The following LCOR variants were observed in gnomAD, a reference collection of about 807,000 sequenced individuals.
The protein encoded by LCOR is ligand dependent nuclear receptor corepressor.
LCOR carries 14 observed loss-of-function variants against 64.4 expected under a neutral mutation model. The ratio of observed to expected loss-of-function variants is 0.22; its 90% CI spans 0.14 to 0.34. The LOEUF is 0.34. Among genes scored for constraint, LCOR ranks in the 10% least tolerant of loss-of-function variants. The probability of loss-of-function intolerance (pLI) is 1.00; values close to 1 mark genes in which losing one functional copy is unlikely to be tolerated. For synonymous variants in LCOR, 643 were observed against 642.5 expected, an observed-to-expected ratio of 1.00 and a Z score of -0.01; for missense variants, 1,686 against 1,765.3, an observed-to-expected ratio of 0.96 and a Z score of 0.80.
At chr10:96,870,041 G>GTTTGTTGTT (rs2134404274) in intron 2 of LCOR, among the ~76,000 whole-genome samples, 1 of 151,590 alleles carries the variant, frequency 6.6e-6, no homozygotes, top group Non-Finnish European at 1.5e-5. Context: ...TAAGTTCTTT[G>GTTTGTTGTT]TTTGTTGTTG....
chr10:96,836,878 G>T (rs1564596763), intron 2 of LCOR, among the ~76,000 whole-genome samples: 1 of 152,206 alleles, frequency 6.6e-6, no homozygotes, highest in Non-Finnish European at 1.5e-5. Flanking sequence ...AGAAAGTGGA[G>T]ACTTTTTGTT....
intron 2 of LCOR, among the ~76,000 whole-genome samples, chr10:96,873,571 C>CGTCTGTGT (rs1554833529): frequency 1.6e-5 from 2 of 126,340 alleles, no homozygotes; most frequent in African/African-American, 2.8e-5. Flanking sequence ...CACACACACA[C>CGTCTGTGT]GTGTGTGTGT....
intron 2 of LCOR, among the ~76,000 whole-genome samples, chr10:96,861,473 G>GT (rs1564606444): frequency 2.0e-5 from 3 of 152,110 alleles, no homozygotes; most frequent in African/African-American, 7.2e-5. Context: ...CCAAACGTGG[G>GT]TTTTTTCCCC....
chr10:96,851,564 G>A (rs1845722039), intron 2 of LCOR, among the ~76,000 whole-genome samples: 2 of 152,176 alleles, frequency 1.3e-5, no homozygotes, highest in Admixed American at 1.3e-4. Flanking sequence ...AGAACATGGT[G>A]AAATCATGTC....
At chr10:96,887,480 G>T (rs908735399) in intron 2 of LCOR, among the ~76,000 whole-genome samples, 1 of 151,408 alleles carries the variant, frequency 6.6e-6, no homozygotes, top group Non-Finnish European at 1.5e-5. Flanking sequence ...GGAGAATGGC[G>T]TGAACCTGGG....
At chr10:96,848,407 C>T (rs1414371388) in intron 2 of LCOR, among the ~76,000 whole-genome samples, 1 of 152,164 alleles carries the variant, frequency 6.6e-6, no homozygotes, top group African/African-American at 2.4e-5. Context: ...CCTGTAATCC[C>T]AACACTTTGG....
At chr10:96,868,900 G>T (rs976846057) in intron 2 of LCOR, among the ~76,000 whole-genome samples, 1 of 152,002 alleles carries the variant, frequency 6.6e-6, no homozygotes, top group Non-Finnish European at 1.5e-5. Flanking sequence ...TGAATTAATT[G>T]TTGGTTTTTG....
intron 2 of LCOR, among the ~76,000 whole-genome samples, chr10:96,883,096 G>A (rs1448239790): frequency 6.6e-6 from 1 of 152,174 alleles, no homozygotes; most frequent in Non-Finnish European, 1.5e-5. Flanking sequence ...GAGTGCAGTG[G>A]CACGATCTTG....
chr10:96,834,611 GT>G (rs577734684), intron 2 of LCOR, among the ~76,000 whole-genome samples: 301 of 152,234 alleles, frequency 2.0e-3, no homozygotes, highest in African/African-American at 7.0e-3. Context: ...TGCTGGAATT[GT>G]TTTGAAGAAT....
chr10:96,953,725 A>G (rs970320740), intron 7 of LCOR, among the ~76,000 whole-genome samples: 2 of 152,228 alleles, frequency 1.3e-5, no homozygotes, highest in Non-Finnish European at 2.9e-5. Flanking sequence ...CTGAATGGAA[A>G]GTGTTTTCTA....
intron 2 of LCOR, among the ~76,000 whole-genome samples, chr10:96,897,955 A>G (rs1380898374): frequency 6.6e-6 from 1 of 150,502 alleles, no homozygotes; most frequent in Non-Finnish European, 1.5e-5. Flanking sequence ...TGCCTGACAC[A>G]TAAAACAGAG....
Position 96,984,424 on chromosome 10 carries a change from G to T in LCOR, c.3964G>T (p.Ala1322Ser), listed in dbSNP as rs1275550961. 1.9e-6 allele frequency: 3 copies of T among 1,614,088 alleles called. No homozygotes were observed. The highest frequency in any genetic ancestry group is 2.5e-6 in the Non-Finnish European group (3 of 1,180,044). ...TTCCAATATTCGAGGAAAGCTCAGA[G>T]CCCAGCAACGTTTAATCAAGAATGA... The part of the protein sequence containing the change: ...KYSNIRGKLR[A>S]QQRLIKNEKM... Residue 1322 changes from alanine (A) to serine (S), a missense_variant, in exon 8 of 8, where the codon GCC (alanine) becomes TCC (serine). Physicochemically the swap from Ala to Ser is moderately conservative, Grantham distance 99. Coordinates refer to ENST00000421806, the MANE Select transcript of LCOR (RefSeq NM_001346516.2).
chr10:96,870,030 A>G (rs1330230164), intron 2 of LCOR, among the ~76,000 whole-genome samples: 1 of 152,054 alleles, frequency 6.6e-6, no homozygotes, highest in Non-Finnish European at 1.5e-5. Flanking sequence ...ACTTCTAACC[A>G]TAAGTTCTTT....
At chr10:96,834,235 G>A (rs1845401156) in intron 2 of LCOR, among the ~76,000 whole-genome samples, 1 of 152,326 alleles carries the variant, frequency 6.6e-6, no homozygotes, top group Middle Eastern at 3.4e-3. Flanking sequence ...TCTGATACCA[G>A]TTTGGTTGTC....
intron 2 of LCOR, among the ~76,000 whole-genome samples, chr10:96,868,000 T>C (rs1846003444): frequency 6.6e-6 from 1 of 152,096 alleles, no homozygotes; most frequent in African/African-American, 2.4e-5. Flanking sequence ...TTCTCCTGCC[T>C]CAGCCTCCCG....
intron 7 of LCOR, chr10:96,956,317 A>C: frequency 1.0e-6 from 1 of 993,380 alleles, no homozygotes; most frequent in Non-Finnish European, 1.2e-6. Context: ...CCCTTTTAGA[A>C]ACTACGTCTG....
chr10:96,978,056 A>G (rs1174766683), intron 7 of LCOR, among the ~76,000 whole-genome samples: 1 of 152,194 alleles, frequency 6.6e-6, no homozygotes, highest in Non-Finnish European at 1.5e-5. Context: ...CCACTCTCGT[A>G]CTGTAGCCTG....
At chr10:96,956,234 T>G (rs1847771252) in intron 7 of LCOR, 1 of 1,043,796 alleles carries the variant, frequency 9.6e-7, no homozygotes, top group Non-Finnish European at 1.2e-6. Context: ...CTTTTTTGTT[T>G]TTTTTTGTTG....
intron 4 of LCOR, among the ~76,000 whole-genome samples, chr10:96,937,498 T>G (rs1039680029): frequency 5.9e-5 from 9 of 152,310 alleles, no homozygotes; most frequent in Middle Eastern, 3.4e-3. Context: ...CCAGGTATCT[T>G]CACTGGTATA....
Sources: allele counts gnomAD v4.1 joint callset (sites outside exome capture counted in the v4.1 genomes callset), GRCh38; gene constraint gnomAD v4.1.1; transcripts MANE v1.5; gene names NCBI Gene and HGNC (gene_info 2026-07-23, HGNC 2026-07-21).